CNTN4: variants seen among roughly 807,000 people sequenced by gnomAD.
CNTN4 encodes contactin 4, also known as contactin-4.
CNTN4 carries 77 observed loss-of-function variants against 122.5 expected under a neutral mutation model. The observed-to-expected ratio is 0.63, with a 90% confidence interval of 0.52 to 0.76. CNTN4 has a LOEUF of 0.76. Ranked by LOEUF, CNTN4 falls within the 30% of genes least tolerant of loss-of-function variation. The pLI is 0.00. For missense variants in CNTN4, 1,256 were observed against 1,259.1 expected (o/e 1.00, Z 0.04); for synonymous variants, 512 against 447.0 (o/e 1.15, Z -1.83).
At chr3:2,623,621 G>A (rs2082073404) in intron 4 of CNTN4, among the ~76,000 whole-genome samples, 1 of 152,158 alleles carries the variant, frequency 6.6e-6, no homozygotes, top group African/African-American at 2.4e-5. Flanking sequence ...AGGGTTGTGT[G>A]GCATGAATGA....
intron 4 of CNTN4, among the ~76,000 whole-genome samples, chr3:2,572,376 G>T (rs1041920754): frequency 4.6e-5 from 7 of 152,048 alleles, no homozygotes; most frequent in Non-Finnish European, 7.4e-5. Context: ...ACAGAGTGAG[G>T]CTCGGTCTCA....
At chr3:2,386,775 A>G (rs974872513) in intron 3 of CNTN4, among the ~76,000 whole-genome samples, 1 of 152,208 alleles carries the variant, frequency 6.6e-6, no homozygotes, top group Non-Finnish European at 1.5e-5. Flanking sequence ...ATTATTTGAG[A>G]TGAGTTATAA....
chr3:2,257,015 A>G (rs140587078), intron 2 of CNTN4, among the ~76,000 whole-genome samples: 36 of 152,310 alleles, frequency 2.4e-4, no homozygotes, highest in African/African-American at 8.7e-4. Context: ...GGCTGGAGGC[A>G]TCAGGCTACC....
At chr3:2,171,403 G>T (rs2036504775) in intron 2 of CNTN4, among the ~76,000 whole-genome samples, 1 of 152,074 alleles carries the variant, frequency 6.6e-6, no homozygotes, top group Non-Finnish European at 1.5e-5. Flanking sequence ...TGTCTTTTGT[G>T]TGTAGAAAAA....
chr3:2,851,488 C>T (rs927322397), intron 7 of CNTN4, among the ~76,000 whole-genome samples: 6 of 152,222 alleles, frequency 3.9e-5, no homozygotes, highest in African/African-American at 1.4e-4. Context: ...ATTCTCAAAA[C>T]CCTAACACAG....
Position 2,644,214 on chromosome 3 carries a change from G to C in CNTN4, c.55+72656G>C, listed in dbSNP as rs1576326236. 6.6e-5 allele frequency among the ~76,000 whole-genome samples: 10 copies of C among 152,262 alleles called. No homozygotes were observed. In the South Asian group the frequency reaches 2.1e-3, roughly 32 times the overall value. ...GGCAAGTCCTAATGGTCTTCCAAAG[G>C]GAAAGGAACTTGGTCATAGATGCTC... On this transcript the variant is annotated intron_variant, in intron 4 of 24. Coordinates refer to ENST00000418658, the MANE Select transcript of CNTN4 (RefSeq NM_175607.3).
intron 13 of CNTN4, among the ~76,000 whole-genome samples, chr3:2,955,302 A>G (rs2094788089): frequency 6.6e-6 from 1 of 152,210 alleles, no homozygotes; most frequent in Admixed American, 6.5e-5. Context: ...ATTTATTAGC[A>G]TGACTGAACT....
chr3:2,287,668 A>G (rs1210373283), intron 2 of CNTN4, among the ~76,000 whole-genome samples: 5 of 45,562 alleles, frequency 1.1e-4, no homozygotes, highest in South Asian at 9.8e-4. Context: ...GAAGAAGAAG[A>G]AGAAGAAGAA....
intron 2 of CNTN4, among the ~76,000 whole-genome samples, chr3:2,223,003 G>A (rs1345292821): frequency 1.3e-5 from 2 of 152,190 alleles, no homozygotes; most frequent in African/African-American, 4.8e-5. Context: ...AAGTCACATT[G>A]CTTGTGCTAC....
chr3:2,353,954 G>C lies in CNTN4; in HGVS notation c.-89+14721G>C, dbSNP rs534034319. Reference sequence around the variant, plus strand: ...AAAAAACATAAAGGAGTCCTCACTTGATGACAATGATGACAGCTTATATAT... The same window carrying C: ...AAAAAACATAAAGGAGTCCTCACTTCATGACAATGATGACAGCTTATATAT... On this transcript the variant is annotated intron_variant, in intron 3 of 24. Coordinates refer to ENST00000418658, the MANE Select transcript of CNTN4 (RefSeq NM_175607.3). 1.2e-4 allele frequency among the ~76,000 whole-genome samples: 18 copies of C among 152,266 alleles called. No homozygotes were observed. In the East Asian group the frequency reaches 3.5e-3, roughly 29 times the overall value.
chr3:2,412,074 T>C (rs1236556529), intron 3 of CNTN4, among the ~76,000 whole-genome samples: 1 of 152,184 alleles, frequency 6.6e-6, no homozygotes, highest in Non-Finnish European at 1.5e-5. Flanking sequence ...AATCCAAAAG[T>C]ACGTACTGTT....
chr3:3,047,144 G>T (rs6789257), intron 23 of CNTN4, among the ~76,000 whole-genome samples: 39,121 of 149,576 alleles, frequency 0.26, 5,547 homozygotes, highest in Middle Eastern at 0.34. Flanking sequence ...TGAGTGACCT[G>T]CAAAGAGACT....
chr3:2,433,013 G>C (rs1357901786), intron 3 of CNTN4, among the ~76,000 whole-genome samples: 1 of 151,570 alleles, frequency 6.6e-6, no homozygotes, highest in Non-Finnish European at 1.5e-5. Context: ...AGTTAAGATG[G>C]GGTTTTGCCG....
chr3:2,919,442 T>G (rs942577564), intron 12 of CNTN4, among the ~76,000 whole-genome samples: 1 of 152,054 alleles, frequency 6.6e-6, no homozygotes, highest in African/African-American at 2.4e-5. Flanking sequence ...AATATCAACT[T>G]TGTATCAAGC....
At chr3:2,255,103 C>G (rs573912027) in intron 2 of CNTN4, among the ~76,000 whole-genome samples, 1 of 152,072 alleles carries the variant, frequency 6.6e-6, no homozygotes, top group Non-Finnish European at 1.5e-5. Context: ...TTTCTGCTTA[C>G]GGCTAGCCAG....
chr3:2,177,029 AT>A lies in CNTN4; in HGVS notation c.-145+76398del, dbSNP rs574171385. 5.1e-3 allele frequency among the ~76,000 whole-genome samples: 781 copies of A among 152,108 alleles called. 2 individuals are homozygous for A. The highest frequency in any genetic ancestry group is 0.017 in the African/African-American group (713 of 41,510). The stretch of plus-strand genomic sequence containing the variant: ...AAAAATCACTCAAGAGTCAGTGAGA[AT>A]TTTTTTTAGTAAAGGTCATTTGATG... On this transcript the variant is annotated intron_variant, in intron 2 of 24. Transcript: ENST00000418658.
chr3:2,512,250 A>G (rs1174811856), intron 3 of CNTN4, among the ~76,000 whole-genome samples: 1 of 146,780 alleles, frequency 6.8e-6, no homozygotes, highest in African/African-American at 2.6e-5. Flanking sequence ...AATATTTGCA[A>G]ATATAAACTG....
At chr3:2,390,928 T>A (rs1995209) in intron 3 of CNTN4, among the ~76,000 whole-genome samples, 2 of 152,120 alleles carry the variant, frequency 1.3e-5, no homozygotes, top group Non-Finnish European at 2.9e-5. Flanking sequence ...CAGAAAATAT[T>A]TTGTTCTTCA....
At chr3:2,373,969 G>A (rs1329683005) in intron 3 of CNTN4, among the ~76,000 whole-genome samples, 1 of 152,118 alleles carries the variant, frequency 6.6e-6, no homozygotes, top group African/African-American at 2.4e-5. Flanking sequence ...GGGGGTTCCT[G>A]ATCTCTGACT....
Sources: gnomAD v4.1 joint callset for allele counts (sites outside exome capture counted in the v4.1 genomes callset) on GRCh38, gnomAD v4.1.1 for gene constraint, MANE v1.5 for transcripts, NCBI Gene and HGNC (gene_info 2026-07-23, HGNC 2026-07-21) for gene names.